WDR64: variants seen among roughly 807,000 people sequenced by gnomAD.
WDR64 encodes the protein WD repeat domain 64, also known as WD repeat-containing protein 64.
Under a neutral mutation model 139.3 loss-of-function variants are expected in WDR64, and 112 were observed. The observed-to-expected ratio is 0.80, with a 90% CI of 0.69 to 0.94. The LOEUF (loss-of-function observed/expected upper bound fraction) is 0.94. Ranked by LOEUF, WDR64 falls within the 40% of genes least tolerant of loss-of-function variation. WDR64 has a pLI of 0.00. For missense variants in WDR64, 1,206 were observed against 1,293.1 expected, an observed-to-expected ratio of 0.93 and a Z score of 1.03; for synonymous variants, 444 against 437.7, an observed-to-expected ratio of 1.01 and a Z score of -0.18.
Position 241,780,011 on chromosome 1 carries a change from T to C in WDR64, c.2544T>C (p.His848=). The C allele has an allele frequency of 6.3e-7, 1 of 1,590,042 alleles. No homozygotes were observed. Among genetic ancestry groups the C allele is most frequent in the Admixed American group, 1.9e-5 (1 of 52,620 alleles). The stretch of plus-strand genomic sequence containing the variant: ...TGTTTAAATTTTATACAGAAGGACA[T>C]GTTATCCTTTGCAATATTAGCTCTT... ...RILLAGNVEG[H]VILCNISSFL... Residue 848 remains histidine (H), a synonymous_variant, in exon 22 of 28, where the codon CAT becomes CAC. Coordinates refer to ENST00000437684, the MANE Select transcript of WDR64 (RefSeq NM_001367482.1).
At chr1:241,731,590 C>T (rs1253485123) in intron 10 of WDR64, among the ~76,000 whole-genome samples, 1 of 152,142 alleles carries the variant, frequency 6.6e-6, no homozygotes, top group African/African-American at 2.4e-5. Context: ...GAGGTGGTAT[C>T]TTCCAACAAT....
chr1:241,715,889 C>G (rs968902690), intron 9 of WDR64, among the ~76,000 whole-genome samples: 14 of 152,256 alleles, frequency 9.2e-5, no homozygotes, highest in African/African-American at 3.4e-4. Context: ...TCATTTGACT[C>G]TCATTAACCT....
At chr1:241,760,269 A>G (rs11585372) in intron 15 of WDR64, among the ~76,000 whole-genome samples, 63,838 of 151,786 alleles carry the variant, frequency 0.42, 14,971 homozygotes, top group Middle Eastern at 0.63. Flanking sequence ...AGTCCCCTGT[A>G]GGTGGCCATT....
chr1:241,781,089 T>C (rs185029507), intron 22 of WDR64, among the ~76,000 whole-genome samples: 3 of 152,218 alleles, frequency 2.0e-5, no homozygotes, highest in Non-Finnish European at 2.9e-5. Flanking sequence ...CTGCTGATGA[T>C]TATTATATTG....
chr1:241,733,891 A>G (rs560629232), intron 10 of WDR64, among the ~76,000 whole-genome samples: 1 of 152,004 alleles, frequency 6.6e-6, no homozygotes, highest in Non-Finnish European at 1.5e-5. Context: ...TGTCCTCCCA[A>G]GCTTTGCATC....
chr1:241,655,894 A>G (rs373747870), intron 1 of WDR64, among the ~76,000 whole-genome samples: 18 of 151,950 alleles, frequency 1.2e-4, no homozygotes, highest in East Asian at 7.7e-4. Context: ...TAATGTGTTC[A>G]TTCGTTCCTG....
intron 9 of WDR64, among the ~76,000 whole-genome samples, chr1:241,712,169 T>C (rs533063044): frequency 6.6e-6 from 1 of 152,300 alleles, no homozygotes; most frequent in South Asian, 2.1e-4. Flanking sequence ...TTATTTTATG[T>C]GTGAGAGCAT....
chr1:241,797,230 G>A (rs938452787), intron 27 of WDR64, among the ~76,000 whole-genome samples: 2 of 152,196 alleles, frequency 1.3e-5, no homozygotes, highest in East Asian at 3.8e-4. Flanking sequence ...GTAAGGTCAA[G>A]TGGCTTACCA....
intron 20 of WDR64, among the ~76,000 whole-genome samples, chr1:241,773,721 C>A (rs1400312374): frequency 6.6e-6 from 1 of 152,160 alleles, no homozygotes; most frequent in Non-Finnish European, 1.5e-5. Context: ...CAGCCTCGGC[C>A]TCCCAAAGTG....
At chr1:241,691,300 A>C (rs1448493722) in intron 8 of WDR64, among the ~76,000 whole-genome samples, 1 of 152,208 alleles carries the variant, frequency 6.6e-6, no homozygotes. Context: ...AATATAGTAG[A>C]TATTAATCCA....
intron 10 of WDR64, among the ~76,000 whole-genome samples, chr1:241,725,759 G>T (rs1021517032): frequency 6.6e-6 from 1 of 152,022 alleles, no homozygotes; most frequent in African/African-American, 2.4e-5. Context: ...TGGCTAGTCC[G>T]AATTGAGGTC....
intron 15 of WDR64, among the ~76,000 whole-genome samples, chr1:241,760,041 T>C (rs1458476918): frequency 2.0e-5 from 3 of 152,236 alleles, no homozygotes; most frequent in Non-Finnish European, 4.4e-5. Context: ...GTAGCGTATG[T>C]CACAGCGTCC....
At chr1:241,712,381 G>A (rs995549737) in intron 9 of WDR64, among the ~76,000 whole-genome samples, 4 of 152,198 alleles carry the variant, frequency 2.6e-5, no homozygotes, top group African/African-American at 9.6e-5. Flanking sequence ...TAAGGGATAG[G>A]TTAGGTAGAA....
chr1:241,747,356 A>G lies in WDR64; in HGVS notation c.1595-2191A>G, dbSNP rs559569630. ...TAGTTAATGGGATTTTCTAATGTCA[A>G]TTTGCTTGTTTTAGGATTATACCGT... On this transcript the variant is annotated intron_variant, in intron 13 of 27. Coordinates refer to ENST00000437684, the MANE Select transcript of WDR64 (RefSeq NM_001367482.1). Among the ~76,000 whole-genome samples the G allele has an allele frequency of 2.0e-4, 31 of 152,324 alleles. 1 individual carries two copies. The highest frequency in any genetic ancestry group is 1.7e-3 in the South Asian group (8 of 4,826).
intron 13 of WDR64, 60 bp downstream of exon 13, chr1:241,744,576 A>T: frequency 6.2e-7 from 1 of 1,602,664 alleles, no homozygotes. Context: ...TTTCCGCCAA[A>T]AACTCTTTCG....
chr1:241,752,890 C>T (rs1011073144), intron 14 of WDR64, among the ~76,000 whole-genome samples: 11 of 152,102 alleles, frequency 7.2e-5, no homozygotes, highest in African/African-American at 2.7e-4. Context: ...CTGTCAATAA[C>T]TCATACCACC....
chr1:241,802,637 G>A lies in WDR64; in HGVS notation c.*1422G>A, dbSNP rs1333126650. On this transcript the variant is annotated 3_prime_UTR_variant, in exon 28 of 28. Transcript: ENST00000437684. ...TAGTGTCTTCCACTTACTTTGAAATGAATCAAAAAAATAAGATGAACTAAT... is the reference window on the plus strand; with the variant it reads ...TAGTGTCTTCCACTTACTTTGAAATAAATCAAAAAAATAAGATGAACTAAT... 1.3e-5 allele frequency among the ~76,000 whole-genome samples: 2 copies of A among 152,018 alleles called. No homozygotes were observed. Among genetic ancestry groups the A allele is most frequent in the African/African-American group, 2.4e-5 (1 of 41,426 alleles).
At chr1:241,794,426 T>C (rs1165948082) in intron 25 of WDR64, among the ~76,000 whole-genome samples, 1 of 151,774 alleles carries the variant, frequency 6.6e-6, no homozygotes. Flanking sequence ...ACTAAGTAAA[T>C]TTGGAGAAAT....
chr1:241,723,270 A>G (rs2148199869), intron 9 of WDR64, 27 bp from the exon 10 acceptor site: 1 of 1,612,492 alleles, frequency 6.2e-7, no homozygotes, highest in South Asian at 1.1e-5. Flanking sequence ...CAGAAAACCA[A>G]CAATCTTTCC....
Sources: allele counts gnomAD v4.1 joint callset (sites outside exome capture counted in the v4.1 genomes callset), GRCh38; gene constraint gnomAD v4.1.1; transcripts MANE v1.5; gene names NCBI Gene and HGNC (gene_info 2026-07-23, HGNC 2026-07-21).